FARP1: variants seen among roughly 807,000 people sequenced by gnomAD.
The protein encoded by FARP1 is FERM, ARHGEF and pleckstrin domain-containing protein 1.
FARP1 carries 52 observed loss-of-function variants against 128.8 expected under a neutral mutation model. The observed-to-expected ratio is 0.40, with a 90% confidence interval of 0.32 to 0.51. The LOEUF is 0.51. Among genes scored for constraint, FARP1 ranks in the 20% least tolerant of loss-of-function variants. The pLI, the probability that FARP1 is intolerant of heterozygous loss-of-function variation, is 0.45. For missense variants in FARP1, 1,333 were observed against 1,367.9 expected, an observed-to-expected ratio of 0.97 and a Z score of 0.40; for synonymous variants, 580 against 551.8, an observed-to-expected ratio of 1.05 and a Z score of -0.72.
chr13:98,294,002 G>T (rs1193216672), intron 2 of FARP1, among the ~76,000 whole-genome samples: 1 of 152,164 alleles, frequency 6.6e-6, no homozygotes, highest in African/African-American at 2.4e-5. Flanking sequence ...TTACCAAGTA[G>T]GTATATTTAT....
Position 98,439,235 on chromosome 13 carries a change from G to A in FARP1, c.2433+39G>A, listed in dbSNP as rs745641838. 11 of 1,438,406 alleles carry A rather than the reference G, an allele frequency of 7.6e-6. 1 individual carries two copies. The highest frequency in any genetic ancestry group is 4.6e-5 in the East Asian group (2 of 43,540). The allele number at this position is 1,438,406 out of a possible 1,614,324, so 89.1% of individuals were successfully genotyped here. On this transcript the variant is annotated intron_variant, in intron 21 of 26. Transcript: ENST00000319562. ...AGGCTCGTGGCCAGGGCCTGTCCTC[G>A]GGGGCAGCAGGTGCGGGCGCTGCTG...
chr13:98,353,553 T>C lies in FARP1; in HGVS notation c.276+9687T>C, dbSNP rs190718840. On this transcript the variant is annotated intron_variant, in intron 3 of 26. Coordinates refer to ENST00000319562, the MANE Select transcript of FARP1 (RefSeq NM_005766.4). ...GCAACCATGCCCAGCTAATTTTGTA[T>C]TTTTAGTAGAGATGGGGTTTCTCCA... Among the ~76,000 whole-genome samples, 37 of 152,190 alleles carry C rather than the reference T, an allele frequency of 2.4e-4. No individual in the cohort carries two copies. The East Asian group carries it at 7.2e-3, about 29-fold the overall frequency.
chr13:98,290,728 C>T (rs1885410167), intron 2 of FARP1, among the ~76,000 whole-genome samples: 1 of 152,118 alleles, frequency 6.6e-6, no homozygotes, highest in East Asian at 1.9e-4. Context: ...GTGGGAAGTG[C>T]TGGGGTTCCA....
intron 2 of FARP1, among the ~76,000 whole-genome samples, chr13:98,319,385 C>T (rs1886889658): frequency 6.6e-6 from 1 of 152,182 alleles, no homozygotes; most frequent in Non-Finnish European, 1.5e-5. Flanking sequence ...CTTTGGGAGG[C>T]TGAGGCAGGC....
intron 1 of FARP1, chr13:98,208,470 T>TC (rs1221056452): frequency 3.9e-5 from 4 of 102,394 alleles, no homozygotes; most frequent in Non-Finnish European, 7.6e-5. Context: ...AGAACAAGAC[T>TC]CCATCTCAAA....
intron 2 of FARP1, among the ~76,000 whole-genome samples, chr13:98,213,808 C>T (rs539589252): frequency 2.0e-5 from 3 of 152,146 alleles, no homozygotes; most frequent in South Asian, 2.1e-4. Flanking sequence ...GGTGCTTGTG[C>T]GTGTGTGTTT....
At chr13:98,428,851 G>A (rs961525749) in intron 17 of FARP1, among the ~76,000 whole-genome samples, 1 of 152,226 alleles carries the variant, frequency 6.6e-6, no homozygotes, top group African/African-American at 2.4e-5. Context: ...ACATGATGAT[G>A]CCCTCTCAAA....
intron 3 of FARP1, among the ~76,000 whole-genome samples, chr13:98,357,670 C>T (rs1009493078): frequency 9.2e-5 from 14 of 152,044 alleles, no homozygotes; most frequent in Non-Finnish European, 4.4e-5. Context: ...TTTTCATGTC[C>T]TTCTCTATGG....
At chr13:98,342,639 G>T (rs1248463499) in intron 2 of FARP1, among the ~76,000 whole-genome samples, 2 of 152,186 alleles carry the variant, frequency 1.3e-5, no homozygotes, top group Admixed American at 6.5e-5. Flanking sequence ...GGCGGAGATT[G>T]CAGTGAGCTG....
chr13:98,321,162 T>A (rs1594399158), intron 2 of FARP1, among the ~76,000 whole-genome samples: 1 of 152,332 alleles, frequency 6.6e-6, no homozygotes, highest in Middle Eastern at 3.4e-3. Flanking sequence ...ACTCTTGGTC[T>A]TTCCAGAAGA....
At chr13:98,417,065 G>T (rs557669775) in intron 16 of FARP1, among the ~76,000 whole-genome samples, 21 of 152,298 alleles carry the variant, frequency 1.4e-4, no homozygotes, top group African/African-American at 4.6e-4. Context: ...AAGGAGAGGG[G>T]AGGCCACCTA....
chr13:98,403,559 T>C (rs1375601793), intron 13 of FARP1: 2 of 152,232 alleles, frequency 1.3e-5, no homozygotes, highest in African/African-American at 4.8e-5. Flanking sequence ...TGGGTGGGAA[T>C]GTAGAAAAGG....
At chr13:98,353,065 T>A (rs1041520631) in intron 3 of FARP1, among the ~76,000 whole-genome samples, 7 of 152,070 alleles carry the variant, frequency 4.6e-5, no homozygotes, top group African/African-American at 1.7e-4. Context: ...TTTAACCAGA[T>A]CTCCCATGAA....
chr13:98,418,314 A>G (rs1417936416), intron 16 of FARP1, among the ~76,000 whole-genome samples: 3 of 151,470 alleles, frequency 2.0e-5, no homozygotes, highest in Non-Finnish European at 4.4e-5. Context: ...TCCCTCTGTC[A>G]CCCAGGATAG....
At chr13:98,259,107 C>G (rs556550649) in intron 2 of FARP1, among the ~76,000 whole-genome samples, 1 of 152,000 alleles carries the variant, frequency 6.6e-6, no homozygotes, top group Non-Finnish European at 1.5e-5. Flanking sequence ...GCTACTCCAG[C>G]GGCTGAGGTG....
At chr13:98,259,903 G>A (rs1312440509) in intron 2 of FARP1, among the ~76,000 whole-genome samples, 5 of 151,630 alleles carry the variant, frequency 3.3e-5, no homozygotes. Context: ...GTGTGTGTGT[G>A]TGTGTGTGTG....
intron 1 of FARP1, among the ~76,000 whole-genome samples, chr13:98,169,401 A>C (rs981465883): frequency 6.6e-6 from 1 of 152,234 alleles, no homozygotes; most frequent in Non-Finnish European, 1.5e-5. Context: ...AAAGGTAAAG[A>C]AGCTACATTT....
chr13:98,323,212 G>T (rs1256102548), intron 2 of FARP1, among the ~76,000 whole-genome samples: 1 of 152,048 alleles, frequency 6.6e-6, no homozygotes. Flanking sequence ...TTGGTTTTTT[G>T]GTTGTGAGTT....
intron 2 of FARP1, among the ~76,000 whole-genome samples, chr13:98,259,512 A>G (rs1883770742): frequency 6.6e-6 from 1 of 152,076 alleles, no homozygotes; most frequent in Non-Finnish European, 1.5e-5. Flanking sequence ...TTGGCTCCAG[A>G]GGTTTCACCG....
Sources: allele counts gnomAD v4.1 joint callset (sites outside exome capture counted in the v4.1 genomes callset), GRCh38; gene constraint gnomAD v4.1.1; transcripts MANE v1.5; gene names NCBI Gene and HGNC (gene_info 2026-07-23, HGNC 2026-07-21).